TENT2: variants seen among roughly 807,000 people sequenced by gnomAD.
TENT2 encodes poly(A) RNA polymerase GLD2.
A neutral mutation model predicts 72.2 loss-of-function variants in TENT2; 44 were observed. That is an observed-to-expected ratio of 0.61 (90% CI 0.48 to 0.78). The LOEUF (loss-of-function observed/expected upper bound fraction) is 0.78, where lower values mean the gene tolerates loss of function less well. Ranked by LOEUF, TENT2 falls within the 30% of genes least tolerant of loss-of-function variation. The probability of loss-of-function intolerance (pLI) is 0.00; values close to 1 mark genes in which losing one functional copy is unlikely to be tolerated. For missense variants in TENT2, 541 were observed against 569.6 expected, an observed-to-expected ratio of 0.95 and a Z score of 0.51; for synonymous variants, 212 against 192.5, an observed-to-expected ratio of 1.10 and a Z score of -0.84.
At position 79,648,620 on chromosome 5, in the gene TENT2, T is replaced by C. The variant is rs1353431536; in HGVS notation, c.825T>C (p.Cys275=). 1 of 1,568,632 alleles carries C rather than the reference T, an allele frequency of 6.4e-7. No homozygotes were observed. Among genetic ancestry groups the C allele is most frequent in the Non-Finnish European group, 8.7e-7 (1 of 1,152,228 alleles). ...TTATTTATTTTTTCTTAAATAGTTG[T>C]GTGGAGTTTGACTTGAATGTAAACA... The part of the protein sequence containing the change: ...PIVKFRDKVS[C]VEFDLNVNNI... Residue 275 remains cysteine (C), a synonymous_variant, in exon 9 of 15, where the codon TGT becomes TGC. Coordinates refer to ENST00000453514, the MANE Select transcript of TENT2 (RefSeq NM_001114394.3).
chr5:79,627,526 C>T (rs1160280396), intron 4 of TENT2, among the ~76,000 whole-genome samples: 2 of 152,048 alleles, frequency 1.3e-5, no homozygotes, highest in Admixed American at 6.6e-5. Context: ...GCTCTTGTTG[C>T]CCAGGCTCAA....
Position 79,686,062 on chromosome 5 carries a change from T to G in TENT2, c.*789T>G, listed in dbSNP as rs1255883521. ...GATAGCTTAGTGCAATGTGCACTTC[T>G]GTTTTACTTGCCATTTTCCTGCTCT... On this transcript the variant is annotated 3_prime_UTR_variant, in exon 15 of 15. Coordinates refer to ENST00000453514, the MANE Select transcript of TENT2 (RefSeq NM_001114394.3). 1 of 152,644 alleles carries G rather than the reference T, an allele frequency of 6.6e-6. No individual in the cohort carries two copies. The highest frequency in any genetic ancestry group is 1.5e-5 in the Non-Finnish European group (1 of 68,034). The allele number at this position is 152,644 out of a possible 1,614,324, so 9.5% of individuals were successfully genotyped here. A position where few individuals can be genotyped will look rare whatever the true frequency, so the allele number is the denominator to read the frequency against.
intron 5 of TENT2, 39 bp downstream of exon 5, chr5:79,641,004 A>G: frequency 2.0e-6 from 3 of 1,505,208 alleles, no homozygotes; most frequent in South Asian, 1.3e-5. Context: ...AGGTATATGC[A>G]TTCCTATTTT....
chr5:79,682,147 A>G (rs1282557226), intron 14 of TENT2, 86 bp downstream of exon 14: 4 of 853,648 alleles, frequency 4.7e-6, no homozygotes, highest in Admixed American at 2.6e-5. Context: ...GTAGGACAGA[A>G]TGGTTTCTCT....
At chr5:79,631,370 TGACTCATGA>T (rs1740282543) in intron 4 of TENT2, among the ~76,000 whole-genome samples, 1 of 152,238 alleles carries the variant, frequency 6.6e-6, no homozygotes, top group African/African-American at 2.4e-5. Flanking sequence ...TAATAGGGAT[TGACTCATGA>T]GTCTGTGGAC....
chr5:79,627,254 A>G (rs1452894501), intron 4 of TENT2, among the ~76,000 whole-genome samples: 1 of 152,076 alleles, frequency 6.6e-6, no homozygotes, highest in African/African-American at 2.4e-5. Flanking sequence ...GTATGTTGTG[A>G]TAGTTAACTG....
In TENT2 at chr5:79,685,229, T is replaced by C; in HGVS notation, c.1411T>C (p.Leu471=). 1 of 1,607,602 alleles carries C rather than the reference T, an allele frequency of 6.2e-7. No individual in the cohort carries two copies. The highest frequency in any genetic ancestry group is 8.5e-7 in the Non-Finnish European group (1 of 1,178,450). Reference sequence around the variant, plus strand: ...GCACAGATTGAAAAACAAGAGAGATTTGAACAGTATACTACCTGTAAGAGC... The same window carrying C: ...GCACAGATTGAAAAACAAGAGAGATCTGAACAGTATACTACCTGTAAGAGC... ...SWHRLKNKRD[L]NSILPVRAAV... The change falls in exon 15 of 15, where the codon TTG becomes CTG. Residue 471 remains leucine (L), a synonymous_variant. Coordinates refer to ENST00000453514, the MANE Select transcript of TENT2 (RefSeq NM_001114394.3).
At chr5:79,639,059 T>C (rs1014844931) in intron 4 of TENT2, among the ~76,000 whole-genome samples, 3 of 152,004 alleles carry the variant, frequency 2.0e-5, no homozygotes, top group African/African-American at 7.2e-5. Context: ...CTGGTAGACG[T>C]GTTTGTGCCC....
chr5:79,653,590 A>G (rs6453469), intron 10 of TENT2, among the ~76,000 whole-genome samples: 30,873 of 152,122 alleles, frequency 0.2, 4,629 homozygotes, highest in African/African-American at 0.42. Context: ...TTGACAGAGT[A>G]GTCCCATTTA....
rs1554090456 is a variant in TENT2 at position 79,669,076 on chromosome 5, G to GTA, written c.1208+49_1208+50insAT. 6.9e-5 allele frequency: 109 copies of GTA among 1,581,340 alleles called. No individual in the cohort carries two copies. In the African/African-American group the frequency reaches 1.2e-3, roughly 18 times the overall value. On this transcript the variant is annotated intron_variant, in intron 12 of 14. Coordinates refer to ENST00000453514, the MANE Select transcript of TENT2 (RefSeq NM_001114394.3). ...TTTGTTCACTTATATGTGTGTGTGT[G>GTA]TGTATGTATGTATATATATGAATAC... is the stretch of plus-strand genomic sequence containing the variant.
chr5:79,629,608 A>G (rs535707294), intron 4 of TENT2, among the ~76,000 whole-genome samples: 22 of 151,220 alleles, frequency 1.5e-4, no homozygotes, highest in Admixed American at 5.3e-4. Flanking sequence ...CGGGTGGATC[A>G]CGAGGTCAGG....
At chr5:79,652,003 A>G (rs1194553065) in intron 10 of TENT2, among the ~76,000 whole-genome samples, 2 of 152,114 alleles carry the variant, frequency 1.3e-5, no homozygotes, top group Non-Finnish European at 2.9e-5. Flanking sequence ...AGTTTTTAAT[A>G]ATGACAAAAT....
intron 4 of TENT2, among the ~76,000 whole-genome samples, chr5:79,636,099 C>CT (rs5868998): frequency 1 from 152,358 of 152,360 alleles, 76,178 homozygotes; most frequent in Middle Eastern, 1. Context: ...TTCGCCAACC[C>CT]TGCTCTAGGT....
chr5:79,675,462 CAT>C (rs976629160), intron 12 of TENT2, among the ~76,000 whole-genome samples: 2 of 152,112 alleles, frequency 1.3e-5, no homozygotes, highest in Non-Finnish European at 2.9e-5. Flanking sequence ...TATGAATTGT[CAT>C]ATACTAGAGT....
chr5:79,669,011 T>C lies in TENT2; in HGVS notation c.1191T>C (p.Tyr397=). ...ACCTCTTACTGGGCTTTCTTAAATA[T>C]TATGCTACAGAATTTGAGTAAGTAA... ...LGDLLLGFLK[Y]YATEFDWNSQ... The change falls in exon 12 of 15, where the codon TAT becomes TAC. Residue 397 remains tyrosine, a synonymous_variant. Transcript: ENST00000453514. The C allele has an allele frequency of 6.2e-7, 1 of 1,613,744 alleles. No individual in the cohort carries two copies. The highest frequency in any genetic ancestry group is 8.5e-7 in the Non-Finnish European group (1 of 1,179,804).
chr5:79,635,581 G>A lies in TENT2; in HGVS notation c.466-5270G>A, dbSNP rs867496005. Among the ~76,000 whole-genome samples the A allele has an allele frequency of 2.0e-5, 3 of 152,182 alleles. No homozygotes were observed. The South Asian group carries it at 6.2e-4, about 32-fold the overall frequency. ...AAGGAATTTTTTTTTTGGAGACAGA[G>A]TCTTGCTCTGTTGCCCAGGCTGGAG... On this transcript the variant is annotated intron_variant, in intron 4 of 14. Coordinates refer to ENST00000453514, the MANE Select transcript of TENT2 (RefSeq NM_001114394.3).
intron 14 of TENT2, among the ~76,000 whole-genome samples, chr5:79,683,199 A>G (rs1266304655): frequency 6.6e-6 from 1 of 152,098 alleles, no homozygotes; most frequent in Admixed American, 6.6e-5. Context: ...CACACCTGTA[A>G]TCCAAACACT....
chr5:79,650,485 A>G (rs1304444780), intron 10 of TENT2, among the ~76,000 whole-genome samples: 1 of 152,126 alleles, frequency 6.6e-6, no homozygotes, highest in Non-Finnish European at 1.5e-5. Context: ...ATGCTCAATA[A>G]TAATTATTAC....
intron 8 of TENT2, among the ~76,000 whole-genome samples, chr5:79,645,820 A>G (rs1049837521): frequency 6.8e-6 from 1 of 147,810 alleles, no homozygotes; most frequent in African/African-American, 2.6e-5. Flanking sequence ...GTTTTACAAA[A>G]TTAATACTGA....
Sources: allele counts gnomAD v4.1 joint callset (sites outside exome capture counted in the v4.1 genomes callset), GRCh38; gene constraint gnomAD v4.1.1; transcripts MANE v1.5; gene names NCBI Gene and HGNC (gene_info 2026-07-23, HGNC 2026-07-21).